Variants in GRM7 observed in about 807,000 individuals in gnomAD.
GRM7 encodes the protein metabotropic glutamate receptor 7.
GRM7 carries 35 observed loss-of-function variants against 84.5 expected under a neutral mutation model. The observed-to-expected ratio is 0.41, with a 90% CI of 0.32 to 0.55. The LOEUF is 0.55. Ranked by LOEUF, GRM7 falls within the 20% of genes least tolerant of loss-of-function variation. The probability of loss-of-function intolerance (pLI) is 0.19; values close to 1 mark genes in which losing one functional copy is unlikely to be tolerated. For missense variants in GRM7, 1,003 were observed against 1,194.6 expected (o/e 0.84, Z 2.36); for synonymous variants, 487 against 455.1 (o/e 1.07, Z -0.89).
intron 1 of GRM7, among the ~76,000 whole-genome samples, chr3:6,954,969 T>TGAGAA (rs1692965258): frequency 6.6e-6 from 1 of 152,228 alleles, no homozygotes; most frequent in Non-Finnish European, 1.5e-5. Context: ...AAAGTGGGGT[T>TGAGAA]AATAATATTC....
At chr3:7,651,845 G>C (rs1698955757) in intron 8 of GRM7, among the ~76,000 whole-genome samples, 1 of 152,204 alleles carries the variant, frequency 6.6e-6, no homozygotes, top group Non-Finnish European at 1.5e-5. Flanking sequence ...GCAGGAGAAA[G>C]ATTGGAGGTG....
chr3:7,116,386 C>T (rs957746345), intron 1 of GRM7, among the ~76,000 whole-genome samples: 1 of 152,116 alleles, frequency 6.6e-6, no homozygotes, highest in African/African-American at 2.4e-5. Flanking sequence ...ATAAAACCAT[C>T]TGTCATTATG....
At chr3:7,081,148 T>C (rs1418621631) in intron 1 of GRM7, among the ~76,000 whole-genome samples, 1 of 152,104 alleles carries the variant, frequency 6.6e-6, no homozygotes, top group Non-Finnish European at 1.5e-5. Context: ...CAGGCATACC[T>C]TGTTTTATTA....
At chr3:7,668,305 C>T (rs1029739124) in intron 8 of GRM7, among the ~76,000 whole-genome samples, 1 of 152,212 alleles carries the variant, frequency 6.6e-6, no homozygotes, top group Non-Finnish European at 1.5e-5. Context: ...AATGGAATCT[C>T]TATCTTTGTG....
At chr3:7,421,763 A>G (rs1696403612) in intron 5 of GRM7, among the ~76,000 whole-genome samples, 3 of 151,910 alleles carry the variant, frequency 2.0e-5, no homozygotes, top group African/African-American at 4.8e-5. Context: ...CCTTCCTGTG[A>G]CCATGGTTGC....
intron 9 of GRM7, among the ~76,000 whole-genome samples, chr3:7,734,178 C>T (rs1311356740): frequency 1.3e-5 from 2 of 150,346 alleles, no homozygotes; most frequent in Non-Finnish European, 3.0e-5. Flanking sequence ...AGGTTTGCTG[C>T]CTCACCATCC....
chr3:7,448,980 G>C (rs1433474525), intron 5 of GRM7, among the ~76,000 whole-genome samples: 2 of 151,672 alleles, frequency 1.3e-5, no homozygotes, highest in African/African-American at 4.8e-5. Context: ...AAAAATAAGA[G>C]AAATTTATAA....
chr3:7,472,860 C>T (rs1297947700), intron 7 of GRM7, among the ~76,000 whole-genome samples: 1 of 152,138 alleles, frequency 6.6e-6, no homozygotes, highest in East Asian at 1.9e-4. Context: ...ATCTTTTATT[C>T]CTCCTTTAGT....
intron 9 of GRM7, among the ~76,000 whole-genome samples, chr3:7,724,794 C>G (rs1702065379): frequency 6.6e-6 from 1 of 152,166 alleles, no homozygotes; most frequent in South Asian, 2.1e-4. Flanking sequence ...GGGTCTCACT[C>G]TGTTGCCAGG....
intron 1 of GRM7, among the ~76,000 whole-genome samples, chr3:7,136,035 C>T (rs1044983864): frequency 7.2e-5 from 11 of 151,986 alleles, no homozygotes; most frequent in Admixed American, 2.0e-4. Context: ...TAGCAGTTTA[C>T]TATGTAATAA....
chr3:7,691,276 G>A, intron 9 of GRM7: 1 of 1,286,974 alleles, frequency 7.8e-7, no homozygotes, highest in South Asian at 1.2e-5. Flanking sequence ...TGTTCTTCTT[G>A]AGCTGACCCA....
intron 4 of GRM7, among the ~76,000 whole-genome samples, chr3:7,319,786 C>T (rs2030155): frequency 0.34 from 51,759 of 151,816 alleles, 9,495 homozygotes; most frequent in East Asian, 0.45. Context: ...AGACATATTT[C>T]TTGATTTAAA....
At chr3:7,449,270 T>G (rs563279559) in intron 5 of GRM7, among the ~76,000 whole-genome samples, 1 of 152,094 alleles carries the variant, frequency 6.6e-6, no homozygotes. Flanking sequence ...TGGCTAACTT[T>G]GCAAGAAACA....
intron 6 of GRM7, among the ~76,000 whole-genome samples, chr3:7,454,090 A>ACACACTCTCTCTCTCT (rs1365192243): frequency 4.9e-4 from 68 of 140,198 alleles, no homozygotes; most frequent in African/African-American, 9.5e-4. Flanking sequence ...CTACACACAC[A>ACACACTCTCTCTCTCT]CTCTCTCTCT....
At chr3:7,410,372 A>T (rs1043796891) in intron 4 of GRM7, among the ~76,000 whole-genome samples, 17 of 152,008 alleles carry the variant, frequency 1.1e-4, no homozygotes, top group African/African-American at 3.6e-4. Flanking sequence ...AGGGTTTGAG[A>T]CTAGCCTGTG....
intron 2 of GRM7, among the ~76,000 whole-genome samples, chr3:7,257,340 T>C (rs1171942290): frequency 6.6e-6 from 1 of 152,188 alleles, no homozygotes; most frequent in East Asian, 1.9e-4. Flanking sequence ...ATCTTGATCA[T>C]TCAAGATCAA....
intron 2 of GRM7, among the ~76,000 whole-genome samples, chr3:7,160,873 A>G (rs978509884): frequency 1.3e-5 from 2 of 152,034 alleles, no homozygotes; most frequent in African/African-American, 4.8e-5. Context: ...TTGATTGCAA[A>G]CTTGCTAAAG....
chr3:6,985,787 G>A (rs994297481), intron 1 of GRM7, among the ~76,000 whole-genome samples: 1 of 152,096 alleles, frequency 6.6e-6, no homozygotes, highest in Non-Finnish European at 1.5e-5. Context: ...TATTAAATCT[G>A]GAAATGAGCT....
At chr3:7,709,887 G>T (rs1156604844) in intron 9 of GRM7, among the ~76,000 whole-genome samples, 1 of 152,014 alleles carries the variant, frequency 6.6e-6, no homozygotes, top group Admixed American at 6.6e-5. Context: ...GGCTACCCAG[G>T]TCCACCTTTC....
Sources: allele counts gnomAD v4.1 joint callset (sites outside exome capture counted in the v4.1 genomes callset), GRCh38; gene constraint gnomAD v4.1.1; transcripts MANE v1.5; gene names NCBI Gene and HGNC (gene_info 2026-07-23, HGNC 2026-07-21).